Variants in GRIK1 observed in about 807,000 individuals in gnomAD.
The protein encoded by GRIK1 is glutamate receptor ionotropic, kainate 1.
GRIK1 carries 69 observed loss-of-function variants against 105.7 expected under a neutral mutation model. The observed-to-expected ratio is 0.65, with a 90% confidence interval of 0.54 to 0.80. The LOEUF (loss-of-function observed/expected upper bound fraction) is 0.80. Among genes scored for constraint, GRIK1 ranks in the 30% least tolerant of loss-of-function variants. The pLI is 0.00. For missense variants in GRIK1, 1,109 were observed against 1,167.3 expected (o/e 0.95, Z 0.73); for synonymous variants, 438 against 431.3 (o/e 1.02, Z -0.19).
At chr21:29,583,257 A>T (rs752856619) in intron 12 of GRIK1, among the ~76,000 whole-genome samples, 1 of 152,172 alleles carries the variant, frequency 6.6e-6, no homozygotes, top group Non-Finnish European at 1.5e-5. Flanking sequence ...TAAGTTTTGA[A>T]TTTGCACACT....
chr21:29,593,842 C>T (rs1344620565), intron 9 of GRIK1, among the ~76,000 whole-genome samples: 1 of 152,186 alleles, frequency 6.6e-6, no homozygotes, highest in Non-Finnish European at 1.5e-5. Flanking sequence ...AAAACTTGAA[C>T]TTGTAGACAA....
chr21:29,854,654 A>G (rs950199308), intron 1 of GRIK1, among the ~76,000 whole-genome samples: 1 of 152,150 alleles, frequency 6.6e-6, no homozygotes, highest in South Asian at 2.1e-4. Context: ...CTGTCAGGAA[A>G]TATCATATAT....
At chr21:29,803,056 T>TC (rs1406281861) in intron 1 of GRIK1, among the ~76,000 whole-genome samples, 1 of 152,158 alleles carries the variant, frequency 6.6e-6, no homozygotes, top group African/African-American at 2.4e-5. Flanking sequence ...TAGTTTTTTT[T>TC]CACACTCTAA....
intron 1 of GRIK1, among the ~76,000 whole-genome samples, chr21:29,721,294 C>T (rs1236143166): frequency 6.6e-6 from 1 of 152,116 alleles, no homozygotes; most frequent in East Asian, 1.9e-4. Context: ...CCCTTTTCTA[C>T]ATAACTTTAC....
chr21:29,927,681 G>C (rs2071424344), intron 1 of GRIK1, among the ~76,000 whole-genome samples: 1 of 151,682 alleles, frequency 6.6e-6, no homozygotes, highest in African/African-American at 2.4e-5. Context: ...GACCACCCTG[G>C]CCAACATGGT....
In GRIK1 at chr21:29,672,965, C is replaced by A; in HGVS notation, c.726+18G>T. 1.3e-6 allele frequency: 2 copies of A among 1,566,646 alleles called. No individual in the cohort carries two copies. Among genetic ancestry groups the A allele is most frequent in the South Asian group, 2.3e-5 (2 of 86,018 alleles). On this transcript the variant is annotated intron_variant, in intron 4 of 17. Coordinates refer to ENST00000327783, the MANE Select transcript of GRIK1 (RefSeq NM_001330994.2). Reference sequence around the variant, plus strand: ...TAACATTTATCCCACACCTCCACCTCCTCCCTAGCCCTCTTACCTGCTTAA... The same window carrying A: ...TAACATTTATCCCACACCTCCACCTACTCCCTAGCCCTCTTACCTGCTTAA...
intron 1 of GRIK1, among the ~76,000 whole-genome samples, chr21:29,719,748 T>A (rs1360226920): frequency 6.6e-6 from 1 of 152,176 alleles, no homozygotes. Flanking sequence ...GACTCACTGT[T>A]TCCCAAGGGG....
intron 1 of GRIK1, among the ~76,000 whole-genome samples, chr21:29,868,743 G>T (rs777770913): frequency 2.0e-5 from 3 of 151,704 alleles, no homozygotes; most frequent in Non-Finnish European, 4.4e-5. Flanking sequence ...TTATTCACCT[G>T]TAATGCATTG....
intron 1 of GRIK1, among the ~76,000 whole-genome samples, chr21:29,795,945 T>A (rs1483052301): frequency 6.6e-6 from 1 of 152,174 alleles, no homozygotes; most frequent in East Asian, 1.9e-4. Context: ...AAAATCATAC[T>A]TCTTCAATTC....
At chr21:29,939,173 T>C (rs2071881016) in intron 1 of GRIK1, among the ~76,000 whole-genome samples, 1 of 152,118 alleles carries the variant, frequency 6.6e-6, no homozygotes, top group Non-Finnish European at 1.5e-5. Context: ...ACCCGCCAAC[T>C]GTACCTCCCG....
At chr21:29,875,043 C>A (rs375537136) in intron 1 of GRIK1, among the ~76,000 whole-genome samples, 6 of 148,806 alleles carry the variant, frequency 4.0e-5, no homozygotes, top group African/African-American at 1.5e-4. Flanking sequence ...CGTGTGTATG[C>A]AAACATTATT....
intron 3 of GRIK1, among the ~76,000 whole-genome samples, chr21:29,686,285 T>G (rs1196089159): frequency 6.6e-6 from 1 of 152,206 alleles, no homozygotes; most frequent in Admixed American, 6.5e-5. Context: ...AGGAAAGGTA[T>G]CTGTTCCCCC....
At chr21:29,610,827 A>G (rs765702494) in intron 7 of GRIK1, among the ~76,000 whole-genome samples, 1 of 152,206 alleles carries the variant, frequency 6.6e-6, no homozygotes, top group African/African-American at 2.4e-5. Context: ...GGATTCTGAA[A>G]ATGCAATGAG....
At chr21:29,712,845 T>C (rs1040793377) in intron 1 of GRIK1, among the ~76,000 whole-genome samples, 3 of 152,350 alleles carry the variant, frequency 2.0e-5, no homozygotes, top group Admixed American at 1.3e-4. Flanking sequence ...CATGACACTT[T>C]TATAGTTTTA....
At chr21:29,555,983 C>G (rs1051870297) in intron 15 of GRIK1, among the ~76,000 whole-genome samples, 2 of 152,172 alleles carry the variant, frequency 1.3e-5, no homozygotes, top group Non-Finnish European at 2.9e-5. Context: ...CCCTGTTCCA[C>G]CAGATATACC....
At chr21:29,658,385 C>A (rs185967139) in intron 4 of GRIK1, among the ~76,000 whole-genome samples, 62 of 152,264 alleles carry the variant, frequency 4.1e-4, no homozygotes, top group African/African-American at 1.2e-3. Flanking sequence ...GTCTCAGCCT[C>A]CTGAGTAGCT....
intron 7 of GRIK1, among the ~76,000 whole-genome samples, chr21:29,619,976 CAA>C (rs1433032637): frequency 3.3e-5 from 5 of 152,264 alleles, no homozygotes; most frequent in East Asian, 3.9e-4. Flanking sequence ...AAAGGATGAC[CAA>C]AGATAGTCAC....
chr21:29,888,184 C>CTTTCTTTCTTTCTTT lies in GRIK1; in HGVS notation c.118+51198_118+51199insAAAGAAAGAAAGAAA, dbSNP rs1301166060. Reference sequence around the variant, plus strand: ...TTTTTTCTTTCTTTCTTTCTTTCTTCCTTTCTTTCTTTCTCTCTCTCTCTC... The same window carrying CTTTCTTTCTTTCTTT: ...TTTTTTCTTTCTTTCTTTCTTTCTTCTTTCTTTCTTTCTTTCTTTCTTTCTTTCTCTCTCTCTCTC... On this transcript the variant is annotated intron_variant, in intron 1 of 17. Coordinates refer to ENST00000327783, the MANE Select transcript of GRIK1 (RefSeq NM_001330994.2). Among the ~76,000 whole-genome samples, 23 of 64,824 alleles carry CTTTCTTTCTTTCTTT rather than the reference C, an allele frequency of 3.5e-4. 1 individual carries two copies. The highest frequency in any genetic ancestry group is 1.4e-3 in the African/African-American group (14 of 10,244). 42.5% of individuals were successfully genotyped at this position (64,824 alleles called of 152,430 possible). A position where few individuals can be genotyped will look rare whatever the true frequency, so the allele number is the denominator to read the frequency against.
chr21:29,626,712 T>C (rs1015562326), intron 7 of GRIK1, among the ~76,000 whole-genome samples: 5 of 152,224 alleles, frequency 3.3e-5, no homozygotes, highest in Admixed American at 1.3e-4. Context: ...TGTCAATGTT[T>C]AGCACCATTG....
Sources: gnomAD v4.1 joint callset for allele counts (sites outside exome capture counted in the v4.1 genomes callset) on GRCh38, gnomAD v4.1.1 for gene constraint, MANE v1.5 for transcripts, NCBI Gene and HGNC (gene_info 2026-07-23, HGNC 2026-07-21) for gene names.